TSPAN5: variants seen among roughly 807,000 people sequenced by gnomAD.
TSPAN5 encodes the protein tetraspanin-5.
A neutral mutation model predicts 37.1 loss-of-function variants in TSPAN5; 10 were observed. The observed-to-expected ratio is 0.27, with a 90% confidence interval of 0.17 to 0.46. The LOEUF is 0.46. Ranked by LOEUF, TSPAN5 falls within the 20% of genes least tolerant of loss-of-function variation. The pLI is 1.00. For synonymous variants in TSPAN5, 110 were observed against 118.9 expected, an observed-to-expected ratio of 0.93 and a Z score of 0.48; for missense variants, 195 against 326.6, an observed-to-expected ratio of 0.60 and a Z score of 3.11.
intron 2 of TSPAN5, among the ~76,000 whole-genome samples, chr4:98,498,506 C>T (rs1203251418): frequency 6.6e-6 from 1 of 152,182 alleles, no homozygotes; most frequent in African/African-American, 2.4e-5. Flanking sequence ...CCCAACCACA[C>T]CCCACCTCCA....
chr4:98,653,907 C>A (rs2110294594), intron 1 of TSPAN5, among the ~76,000 whole-genome samples: 1 of 152,304 alleles, frequency 6.6e-6, no homozygotes, highest in Non-Finnish European at 1.5e-5. Flanking sequence ...GCTTCTAATT[C>A]TTCACCCTTT....
At chr4:98,499,895 C>G (rs1006648302) in intron 2 of TSPAN5, among the ~76,000 whole-genome samples, 4 of 151,968 alleles carry the variant, frequency 2.6e-5, no homozygotes, top group Admixed American at 2.6e-4. Context: ...CTCCTGACCT[C>G]GTGATCTGCT....
At chr4:98,555,975 G>GCACACACACA (rs1754734734) in intron 1 of TSPAN5, among the ~76,000 whole-genome samples, 1 of 119,386 alleles carries the variant, frequency 8.4e-6, no homozygotes, top group South Asian at 2.5e-4. Flanking sequence ...ACACACGCGC[G>GCACACACACA]CGCACACACA....
chr4:98,654,756 A>C (rs1202192524), intron 1 of TSPAN5, among the ~76,000 whole-genome samples: 1 of 152,264 alleles, frequency 6.6e-6, no homozygotes, highest in African/African-American at 2.4e-5. Context: ...ACAGGACTAC[A>C]TTTGAGATTC....
In TSPAN5 at chr4:98,576,075, C is replaced by CAAT. The variant is rs150083154; in HGVS notation, c.82-68350_82-68348dup. ...CAGAGCGAGACTCCATCTAAAAAAA[C>CAAT]AATAATAATAATAAAGGTTATTTTA... On this transcript the variant is annotated intron_variant, in intron 1 of 7. Coordinates refer to ENST00000305798, the MANE Select transcript of TSPAN5 (RefSeq NM_005723.4). Among the ~76,000 whole-genome samples the CAAT allele has an allele frequency of 2.8e-3, 431 of 152,020 alleles. 3 individuals are homozygous for CAAT. Among genetic ancestry groups the CAAT allele is most frequent in the African/African-American group, 0.01 (416 of 41,472 alleles).
Position 98,472,532 on chromosome 4 carries a change from G to T in TSPAN5, c.797C>A (p.Ala266Glu). 7 of 1,613,934 alleles carry T rather than the reference G, an allele frequency of 4.3e-6. No individual in the cohort carries two copies. Among genetic ancestry groups the T allele is most frequent in the Non-Finnish European group, 5.9e-6 (7 of 1,179,940 alleles). ...GCGGTTGCAGGGGGTCTACCAGCTC[G>T]CCCTGACAGCTTCGATATCGCTAAC... is the stretch of plus-strand genomic sequence containing the variant. ...NLVSDIEAVR[A>E]SW Residue 266 changes from alanine (A) to glutamate (E), a missense_variant, in exon 8 of 8, where the codon GCG becomes GAG. Physicochemically the swap from Ala to Glu is moderately radical, Grantham distance 107. Coordinates refer to ENST00000305798, the MANE Select transcript of TSPAN5 (RefSeq NM_005723.4).
chr4:98,527,551 T>C (rs1204433097), intron 1 of TSPAN5, among the ~76,000 whole-genome samples: 1 of 152,180 alleles, frequency 6.6e-6, no homozygotes, highest in East Asian at 1.9e-4. Context: ...ATTTGAAAAA[T>C]GCTTTGAAGA....
At chr4:98,546,695 G>A (rs6532747) in intron 1 of TSPAN5, among the ~76,000 whole-genome samples, 90,318 of 151,320 alleles carry the variant, frequency 0.6, 27,197 homozygotes, top group South Asian at 0.75. Context: ...TTGAGGTGGG[G>A]AGAGAGAGAG....
intron 1 of TSPAN5, among the ~76,000 whole-genome samples, chr4:98,650,517 T>A (rs1486939455): frequency 6.6e-6 from 1 of 151,658 alleles, no homozygotes; most frequent in Non-Finnish European, 1.5e-5. Flanking sequence ...AGAATCTCAC[T>A]GTCAAATAAA....
At chr4:98,543,337 C>T (rs1274491699) in intron 1 of TSPAN5, among the ~76,000 whole-genome samples, 2 of 152,024 alleles carry the variant, frequency 1.3e-5, no homozygotes, top group Non-Finnish European at 2.9e-5. Context: ...TAAATCATAT[C>T]TGCACTTTGA....
At chr4:98,656,509 C>A (rs1225928062) in intron 1 of TSPAN5, among the ~76,000 whole-genome samples, 1 of 152,192 alleles carries the variant, frequency 6.6e-6, no homozygotes, top group East Asian at 1.9e-4. Flanking sequence ...TGGCTACCCA[C>A]CACTTTTAAA....
chr4:98,618,222 C>A (rs1324627925), intron 1 of TSPAN5, among the ~76,000 whole-genome samples: 1 of 151,438 alleles, frequency 6.6e-6, no homozygotes, highest in Non-Finnish European at 1.5e-5. Flanking sequence ...GGACCATTTC[C>A]CCTTTTCAAT....
At chr4:98,620,976 T>C (rs1756467390) in intron 1 of TSPAN5, among the ~76,000 whole-genome samples, 1 of 152,202 alleles carries the variant, frequency 6.6e-6, no homozygotes, top group Non-Finnish European at 1.5e-5. Flanking sequence ...TCTCAAAACG[T>C]GACTTTATTT....
intron 1 of TSPAN5, among the ~76,000 whole-genome samples, chr4:98,551,578 G>A (rs1354708952): frequency 3.5e-5 from 5 of 144,754 alleles, no homozygotes; most frequent in East Asian, 4.1e-4. Flanking sequence ...TGCAACCTCC[G>A]CCTCCCGGGT....
intron 1 of TSPAN5, among the ~76,000 whole-genome samples, chr4:98,558,528 T>C (rs1228628440): frequency 6.6e-6 from 1 of 152,212 alleles, no homozygotes; most frequent in African/African-American, 2.4e-5. Flanking sequence ...CCAGGGACTT[T>C]AATGTGGTGG....
intron 1 of TSPAN5, among the ~76,000 whole-genome samples, chr4:98,558,037 G>C (rs1210337490): frequency 6.6e-6 from 1 of 152,160 alleles, no homozygotes; most frequent in Non-Finnish European, 1.5e-5. Flanking sequence ...AAAACCTAAG[G>C]AAGTCTGAAT....
At chr4:98,572,062 C>T (rs1159512735) in intron 1 of TSPAN5, among the ~76,000 whole-genome samples, 1 of 152,144 alleles carries the variant, frequency 6.6e-6, no homozygotes, top group African/African-American at 2.4e-5. Context: ...CAACCTCTGC[C>T]TCCCGGGTTC....
intron 1 of TSPAN5, among the ~76,000 whole-genome samples, chr4:98,558,164 C>G (rs1279649488): frequency 6.6e-6 from 1 of 150,542 alleles, no homozygotes; most frequent in Non-Finnish European, 1.5e-5. Context: ...CGCAAAGAAA[C>G]AGCACTCGAA....
At chr4:98,583,953 C>T (rs1360621397) in intron 1 of TSPAN5, among the ~76,000 whole-genome samples, 1 of 152,134 alleles carries the variant, frequency 6.6e-6, no homozygotes, top group South Asian at 2.1e-4. Flanking sequence ...TGGAACTTTG[C>T]CATGCTTGTC....
Sources: allele counts gnomAD v4.1 joint callset (sites outside exome capture counted in the v4.1 genomes callset), GRCh38; gene constraint gnomAD v4.1.1; transcripts MANE v1.5; gene names NCBI Gene and HGNC (gene_info 2026-07-23, HGNC 2026-07-21).